The following CRBN variants were observed in gnomAD, a reference collection of about 807,000 sequenced individuals.
CRBN encodes the protein cereblon.
CRBN carries 53 observed loss-of-function variants against 62.2 expected under a neutral mutation model. The ratio of observed to expected loss-of-function variants is 0.85; its 90% CI spans 0.68 to 1.07. The LOEUF (loss-of-function observed/expected upper bound fraction) is 1.07, where lower values mean the gene tolerates loss of function less well. Among genes scored for constraint, CRBN ranks in the 50% least tolerant of loss-of-function variants. The pLI, the probability that CRBN is intolerant of heterozygous loss-of-function variation, is 0.00. For synonymous variants in CRBN, 208 were observed against 176.1 expected (o/e 1.18, Z -1.43); for missense variants, 616 against 531.1 (o/e 1.16, Z -1.57).
At chr3:3,156,140 C>G in intron 6 of CRBN, 79 bp downstream of exon 6, 1 of 1,251,072 alleles carries the variant, frequency 8.0e-7, no homozygotes, top group South Asian at 1.2e-5. Flanking sequence ...ACTGGAAAAA[C>G]TAAACCTTTG....
chr3:3,156,353 C>T, intron 5 of CRBN, 72 bp from the exon 6 acceptor site: 4 of 1,371,374 alleles, frequency 2.9e-6, no homozygotes, highest in Non-Finnish European at 4.1e-6. Context: ...TGAGCAACAT[C>T]TGAAAAATGA....
rs139326561 is a variant in CRBN, at chr3:3,157,125, A to G, written c.688-844T>C. Among the ~76,000 whole-genome samples, 137 of 152,310 alleles carry G rather than the reference A, an allele frequency of 9.0e-4. 5 individuals carry two copies. In the East Asian group the frequency reaches 0.024, roughly 26 times the overall value. On this transcript the variant is annotated intron_variant, in intron 5 of 10. Transcript: ENST00000231948. The stretch of plus-strand genomic sequence containing the variant: ...TGCAAAAGTAACCACAAAATTTTTG[A>G]AAGAGAAGCAAATGGTCTATAGGAC...
chr3:3,152,394 G>A (rs1255543824), intron 10 of CRBN, 62 bp downstream of exon 10: 18 of 1,541,772 alleles, frequency 1.2e-5, no homozygotes, highest in Non-Finnish European at 8.9e-7. Flanking sequence ...TAGGACTCTG[G>A]ATTTTTCTGC....
intron 5 of CRBN, among the ~76,000 whole-genome samples, chr3:3,158,799 ATCAT>A (rs1387351864): frequency 1.1e-4 from 16 of 152,192 alleles, no homozygotes; most frequent in Non-Finnish European, 8.8e-5. Flanking sequence ...GACTCTAACC[ATCAT>A]TCATTCAACA....
intron 4 of CRBN, among the ~76,000 whole-genome samples, chr3:3,169,896 T>TA (rs11388249): frequency 0.86 from 129,040 of 150,752 alleles, 57,804 homozygotes; most frequent in South Asian, 0.99. Context: ...CTGTTTTTAT[T>TA]AAAAAAAAAT....
At chr3:3,174,474 C>T (rs1707751629) in intron 2 of CRBN, among the ~76,000 whole-genome samples, 1 of 151,980 alleles carries the variant, frequency 6.6e-6, no homozygotes, top group Admixed American at 6.6e-5. Context: ...AACCCTGTTG[C>T]TACTAAAAAT....
Position 3,174,302 on chromosome 3 carries a change from T to C in CRBN, c.175-41A>G, listed in dbSNP as rs187168756. 224 of 1,468,694 alleles carry C rather than the reference T, an allele frequency of 1.5e-4. No homozygotes were observed. In the East Asian group the frequency reaches 4.7e-3, roughly 31 times the overall value. The allele number at this position is 1,468,694 out of a possible 1,614,324, so 91.0% of individuals were successfully genotyped here. A position where few individuals can be genotyped will look rare whatever the true frequency, so the allele number is the denominator to read the frequency against. On this transcript the variant is annotated intron_variant, in intron 2 of 10. Transcript: ENST00000231948. ...TATAGGTATAGTGTCATGATCGATATGTAATAAAAATGTAAGCTCAACAGA... is the reference window on the plus strand; with the variant it reads ...TATAGGTATAGTGTCATGATCGATACGTAATAAAAATGTAAGCTCAACAGA...
At chr3:3,162,134 T>A (rs1335507525) in intron 5 of CRBN, among the ~76,000 whole-genome samples, 1 of 152,162 alleles carries the variant, frequency 6.6e-6, no homozygotes. Flanking sequence ...GCCAGAAAGA[T>A]GAGACTCATT....
chr3:3,158,870 A>G (rs545211198), intron 5 of CRBN, among the ~76,000 whole-genome samples: 1 of 152,302 alleles, frequency 6.6e-6, no homozygotes, highest in African/African-American at 2.4e-5. Context: ...CTCATCTTGA[A>G]TTGTAGTTCC....
At chr3:3,177,715 A>C (rs2126071094) in intron 1 of CRBN, among the ~76,000 whole-genome samples, 1 of 152,314 alleles carries the variant, frequency 6.6e-6, no homozygotes, top group South Asian at 2.1e-4. Context: ...GTCTCTAAAT[A>C]ATTTCTTTAG....
chr3:3,152,976 C>G lies in CRBN; in HGVS notation c.1017-389G>C, dbSNP rs1284427377. 3 of 298,130 alleles carry G rather than the reference C, an allele frequency of 1.0e-5. No homozygotes were observed. In the Admixed American group the frequency reaches 1.4e-4, roughly 14 times the overall value. The allele number at this position is 298,130 out of a possible 1,614,324, so 18.5% of individuals were successfully genotyped here. A position where few individuals can be genotyped will look rare whatever the true frequency, so the allele number is the denominator to read the frequency against. On this transcript the variant is annotated intron_variant, in intron 9 of 10. Transcript: ENST00000231948. ...ATTTTGCAGAAAGCAGTTTCCTTAC[C>G]TTCTTGATTTACAACTGATGGATTT...
intron 5 of CRBN, among the ~76,000 whole-genome samples, chr3:3,162,356 A>AG (rs1707176677): frequency 6.6e-6 from 1 of 152,046 alleles, no homozygotes; most frequent in African/African-American, 2.4e-5. Context: ...GGGGATTCTC[A>AG]AATCCCCCTA....
chr3:3,150,954 ATTTTTGAGGTGACATGTCTT>A lies in CRBN; in HGVS notation c.1220_1239del (p.Lys407IlefsTer17). On this transcript the variant is annotated frameshift_variant, in exon 11 of 11. Coordinates refer to ENST00000231948, the MANE Select transcript of CRBN (RefSeq NM_016302.4). LOFTEE classifies it high-confidence loss of function. ...AGAGCAGATCGCGTTAAGCCCCAAA[ATTTTTGAGGTGACATGTCTT>A]TTTTGGTGGCCGTAAACTTCCATCC... is the stretch of plus-strand genomic sequence containing the variant. 6.2e-7 allele frequency: 1 copy of A among 1,614,026 alleles called. No individual in the cohort carries two copies. Among genetic ancestry groups the A allele is most frequent in the Non-Finnish European group, 8.5e-7 (1 of 1,179,978 alleles).
chr3:3,160,353 G>A (rs375329306), intron 5 of CRBN, among the ~76,000 whole-genome samples: 16 of 152,306 alleles, frequency 1.1e-4, no homozygotes, highest in African/African-American at 3.4e-4. Context: ...AATCAGCAAT[G>A]TAAATGACAG....
intron 5 of CRBN, among the ~76,000 whole-genome samples, chr3:3,159,048 A>G (rs1042052189): frequency 7.2e-5 from 11 of 152,184 alleles, no homozygotes; most frequent in African/African-American, 2.7e-4. Context: ...CATGTGAAGA[A>G]GAACATGTTT....
intron 5 of CRBN, among the ~76,000 whole-genome samples, chr3:3,164,918 C>T (rs560983890): frequency 6.6e-6 from 1 of 152,234 alleles, no homozygotes; most frequent in East Asian, 1.9e-4. Flanking sequence ...AATTGAAAAC[C>T]TTCTGAAAAA....
chr3:3,157,212 C>T (rs1377546513), intron 5 of CRBN, among the ~76,000 whole-genome samples: 2 of 152,066 alleles, frequency 1.3e-5, no homozygotes, highest in Non-Finnish European at 2.9e-5. Flanking sequence ...TGCAAACAAC[C>T]TAAACATCAA....
intron 3 of CRBN, chr3:3,173,852 G>A: frequency 1.7e-6 from 1 of 594,246 alleles, no homozygotes; most frequent in Non-Finnish European, 3.0e-6. Flanking sequence ...GTGTATGAAG[G>A]TGAAGAGCTG....
At chr3:3,171,992 A>G (rs1707636296) in intron 4 of CRBN, among the ~76,000 whole-genome samples, 3 of 152,188 alleles carry the variant, frequency 2.0e-5, no homozygotes, top group Non-Finnish European at 2.9e-5. Context: ...AAGAGGTAAT[A>G]TCCAGTGATC....
Sources: gnomAD v4.1 joint callset for allele counts (sites outside exome capture counted in the v4.1 genomes callset) on GRCh38, gnomAD v4.1.1 for gene constraint, MANE v1.5 for transcripts, NCBI Gene and HGNC (gene_info 2026-07-23, HGNC 2026-07-21) for gene names.